Variants in LRRTM4 observed in about 807,000 individuals in gnomAD.
The protein encoded by LRRTM4 is leucine rich repeat transmembrane neuronal 4.
In LRRTM4, 25 loss-of-function variants were observed where a neutral mutation model predicts 47.6. The observed-to-expected ratio is 0.53, with a 90% CI of 0.38 to 0.73. The LOEUF (loss-of-function observed/expected upper bound fraction) is 0.73. Among genes scored for constraint, LRRTM4 ranks in the 30% least tolerant of loss-of-function variants. The probability of loss-of-function intolerance (pLI) is 0.00; values close to 1 mark genes in which losing one functional copy is unlikely to be tolerated. For synonymous variants in LRRTM4, 311 were observed against 269.5 expected, an observed-to-expected ratio of 1.15 and a Z score of -1.51; for missense variants, 638 against 713.4, an observed-to-expected ratio of 0.89 and a Z score of 1.20.
intron 3 of LRRTM4, among the ~76,000 whole-genome samples, chr2:77,219,057 ATTCT>A (rs1261600243): frequency 3.3e-5 from 5 of 152,308 alleles, no homozygotes; most frequent in African/African-American, 1.2e-4. Flanking sequence ...TTGCTACAAA[ATTCT>A]TTCTTGATAA....
At position 77,185,945 on chromosome 2, in the gene LRRTM4, T is replaced by A. The variant is rs10191311; in HGVS notation, c.1551+332373A>T. The stretch of plus-strand genomic sequence containing the variant: ...TTAACATGAGGATTATGTGAGATTA[T>A]GTTTGTGAACCCTTTGGTACAGTGT... On this transcript the variant is annotated intron_variant, in intron 3 of 3. Coordinates refer to ENST00000409884, the MANE Select transcript of LRRTM4 (RefSeq NM_001134745.3). Among the ~76,000 whole-genome samples the A allele has an allele frequency of 4.6e-5, 7 of 152,182 alleles. No individual in the cohort carries two copies. The South Asian group carries it at 1.5e-3, about 32-fold the overall frequency.
At chr2:76,821,193 A>G (rs935814749) in intron 3 of LRRTM4, among the ~76,000 whole-genome samples, 8 of 151,754 alleles carry the variant, frequency 5.3e-5, no homozygotes, top group African/African-American at 1.9e-4. Flanking sequence ...TGTGTGATAT[A>G]GCAAAACAAA....
chr2:77,425,682 G>A (rs774202946), intron 3 of LRRTM4, among the ~76,000 whole-genome samples: 8 of 152,124 alleles, frequency 5.3e-5, no homozygotes, highest in Non-Finnish European at 7.4e-5. Context: ...TTTAGCCCAA[G>A]ATATGTATAT....
intron 3 of LRRTM4, among the ~76,000 whole-genome samples, chr2:77,294,203 G>A (rs539131947): frequency 2.6e-5 from 4 of 151,992 alleles, no homozygotes; most frequent in East Asian, 3.9e-4. Context: ...CAGATGGCAC[G>A]CAGTATATTT....
intron 3 of LRRTM4, among the ~76,000 whole-genome samples, chr2:76,782,386 A>G (rs1427449396): frequency 6.6e-6 from 1 of 152,194 alleles, no homozygotes; most frequent in Non-Finnish European, 1.5e-5. Context: ...GAGAAGTTCC[A>G]GTATAACTAG....
rs541047078 is a variant in LRRTM4 at position 76,908,384 on chromosome 2, T to G, written c.1552-159468A>C. 2.2e-3 allele frequency among the ~76,000 whole-genome samples: 332 copies of G among 151,852 alleles called. 1 individual carries two copies. Among genetic ancestry groups the G allele is most frequent in the African/African-American group, 7.7e-3 (319 of 41,306 alleles). Reference sequence around the variant, plus strand: ...ATCTATGACAAACCCACAGCCAATATCATACTGAATGGGCAAAAACTGGAA... The same window carrying G: ...ATCTATGACAAACCCACAGCCAATAGCATACTGAATGGGCAAAAACTGGAA... On this transcript the variant is annotated intron_variant, in intron 3 of 3. Coordinates refer to ENST00000409884, the MANE Select transcript of LRRTM4 (RefSeq NM_001134745.3).
intron 3 of LRRTM4, among the ~76,000 whole-genome samples, chr2:76,800,116 T>C (rs1379574603): frequency 6.7e-6 from 1 of 149,708 alleles, no homozygotes; most frequent in Admixed American, 6.6e-5. Flanking sequence ...AAAGTTCATA[T>C]GGAACCAAAA....
At chr2:76,771,979 T>G (rs1431841716) in intron 3 of LRRTM4, among the ~76,000 whole-genome samples, 1 of 151,844 alleles carries the variant, frequency 6.6e-6, no homozygotes, top group Non-Finnish European at 1.5e-5. Flanking sequence ...ACATAGGGAG[T>G]AGGTATGACA....
At chr2:77,275,870 T>C (rs1676332146) in intron 3 of LRRTM4, among the ~76,000 whole-genome samples, 1 of 152,106 alleles carries the variant, frequency 6.6e-6, no homozygotes, top group African/African-American at 2.4e-5. Context: ...AGTGGTTTTC[T>C]CTGGGGAAAA....
In LRRTM4 at chr2:77,444,932, T is replaced by TACACAC. The variant is rs745467847; in HGVS notation, c.1551+73380_1551+73385dup. 9.2e-3 allele frequency among the ~76,000 whole-genome samples: 1,122 copies of TACACAC among 122,014 alleles called. 19 individuals carry two copies. The highest frequency in any genetic ancestry group is 0.024 in the African/African-American group (769 of 32,636). The allele number at this position is 122,014 out of a possible 152,430, so 80.0% of individuals were successfully genotyped here. ...CACATAGGCTCTGTCTCCTTTATTT[T>TACACAC]ACACACACACACACACATACACACA... On this transcript the variant is annotated intron_variant, in intron 3 of 3. Coordinates refer to ENST00000409884, the MANE Select transcript of LRRTM4 (RefSeq NM_001134745.3).
At chr2:76,901,003 A>G (rs987892036) in intron 3 of LRRTM4, among the ~76,000 whole-genome samples, 1 of 152,168 alleles carries the variant, frequency 6.6e-6, no homozygotes, top group South Asian at 2.1e-4. Flanking sequence ...ATTCAAGGAA[A>G]TTTTTAAGCA....
chr2:77,070,489 C>A (rs960805251), intron 3 of LRRTM4, among the ~76,000 whole-genome samples: 1 of 146,798 alleles, frequency 6.8e-6, no homozygotes, highest in African/African-American at 2.6e-5. Context: ...TGCAGAAAAG[C>A]AAACTAAAAT....
At chr2:76,997,019 AG>A (rs1433104183) in intron 3 of LRRTM4, among the ~76,000 whole-genome samples, 1 of 152,160 alleles carries the variant, frequency 6.6e-6, no homozygotes, top group Admixed American at 6.6e-5. Flanking sequence ...CCAGAGCTAA[AG>A]GACAGGGTGT....
chr2:77,518,053 T>C, intron 3 of LRRTM4: 3 of 1,197,148 alleles, frequency 2.5e-6, no homozygotes, highest in Non-Finnish European at 2.1e-6. Context: ...ATACAAATTG[T>C]TAAAAAGCAG....
chr2:76,949,145 T>C (rs1675419907), intron 3 of LRRTM4, among the ~76,000 whole-genome samples: 1 of 151,912 alleles, frequency 6.6e-6, no homozygotes, highest in Non-Finnish European at 1.5e-5. Flanking sequence ...AATCCTCTCT[T>C]GCTTACATTA....
At chr2:77,417,616 A>C (rs931717848) in intron 3 of LRRTM4, among the ~76,000 whole-genome samples, 14 of 152,126 alleles carry the variant, frequency 9.2e-5, no homozygotes, top group Non-Finnish European at 1.5e-4. Context: ...GCTGGTAGGG[A>C]CATGGATGAA....
chr2:77,020,618 CAT>C (rs1678233693), intron 3 of LRRTM4, among the ~76,000 whole-genome samples: 1 of 151,064 alleles, frequency 6.6e-6, no homozygotes, highest in Admixed American at 6.6e-5. Context: ...AAGGTAGTAA[CAT>C]AACGAACAAA....
intron 3 of LRRTM4, among the ~76,000 whole-genome samples, chr2:77,307,575 T>A (rs1433780009): frequency 7.8e-6 from 1 of 128,122 alleles, no homozygotes; most frequent in African/African-American, 2.9e-5. Flanking sequence ...TATATAGATA[T>A]ATCTATATAT....
intron 3 of LRRTM4, among the ~76,000 whole-genome samples, chr2:77,119,001 A>G (rs1671459065): frequency 6.6e-6 from 1 of 151,918 alleles, no homozygotes; most frequent in African/African-American, 2.4e-5. Flanking sequence ...CACCTGGCAT[A>G]GTACTCACAA....
Sources: allele counts gnomAD v4.1 joint callset (sites outside exome capture counted in the v4.1 genomes callset), GRCh38; gene constraint gnomAD v4.1.1; transcripts MANE v1.5; gene names NCBI Gene and HGNC (gene_info 2026-07-23, HGNC 2026-07-21).